RPN2: variants seen among roughly 807,000 people sequenced by gnomAD.
RPN2 encodes ribophorin II, also known as dolichyl-diphosphooligosaccharide--protein glycosyltransferase subunit 2.
RPN2 carries 29 observed loss-of-function variants against 71.4 expected under a neutral mutation model. The observed-to-expected ratio is 0.41, with a 90% CI of 0.30 to 0.55. RPN2 has a LOEUF of 0.55. Among genes scored for constraint, RPN2 ranks in the 20% least tolerant of loss-of-function variants. The probability of loss-of-function intolerance (pLI) is 0.35; values close to 1 mark genes in which losing one functional copy is unlikely to be tolerated. For synonymous variants in RPN2, 308 were observed against 305.0 expected (o/e 1.01, Z -0.10); for missense variants, 726 against 774.1 (o/e 0.94, Z 0.74).
chr20:37,186,918 C>T (rs573325988), intron 2 of RPN2, among the ~76,000 whole-genome samples: 2 of 152,280 alleles, frequency 1.3e-5, no homozygotes, highest in Admixed American at 6.5e-5. Flanking sequence ...CTTTGTATCC[C>T]TGTAAACTGA....
intron 6 of RPN2, among the ~76,000 whole-genome samples, chr20:37,206,698 T>C (rs940238566): frequency 1.3e-5 from 2 of 152,116 alleles, no homozygotes; most frequent in African/African-American, 4.8e-5. Flanking sequence ...CCTGCATTTG[T>C]GTAGTAAGCA....
rs2067320192 is a variant in RPN2 at position 37,199,097 on chromosome 20, T to C, written c.351T>C (p.Ser117=). 6.2e-7 allele frequency: 1 copy of C among 1,613,792 alleles called. No homozygotes were observed. Among genetic ancestry groups the C allele is most frequent in the African/African-American group, 1.3e-5 (1 of 74,928 alleles). Residue 117 remains serine, a synonymous_variant, in exon 4 of 17, where the codon AGT becomes AGC. Coordinates refer to ENST00000237530, the MANE Select transcript of RPN2 (RefSeq NM_002951.5). ...AAGATCTGCTTCTGGCAGCTGTCAG[T>C]GAGGACTCATCTGTTACCCAGATCT... is the stretch of plus-strand genomic sequence containing the variant. ...ETKDLLLAAV[S]EDSSVTQIYH...
At chr20:37,236,482 C>T (rs1026532501) in intron 15 of RPN2, 98 bp from the exon 16 acceptor site, 3 of 1,298,954 alleles carry the variant, frequency 2.3e-6, no homozygotes, top group Non-Finnish European at 3.3e-6. Context: ...GGAGTACAGA[C>T]CTTTTCATGA....
In RPN2 at chr20:37,203,881, C is replaced by A. The variant is rs1209999550; in HGVS notation, c.480-4C>A. The stretch of plus-strand genomic sequence containing the variant: ...TCATTGGGGTTCTACTCTTTACCTT[C>A]CAGAACAGTCCAGGCTCTGCAGACA... On this transcript the variant is annotated splice_region_variant and splice_polypyrimidine_tract_variant and intron_variant, in intron 4 of 16. Coordinates refer to ENST00000237530, the MANE Select transcript of RPN2 (RefSeq NM_002951.5). The A allele has an allele frequency of 1.9e-6, 3 of 1,611,964 alleles. No individual in the cohort carries two copies.
intron 1 of RPN2, chr20:37,179,671 C>T (rs1340663036): frequency 2.4e-6 from 1 of 410,498 alleles, no homozygotes; most frequent in Non-Finnish European, 4.0e-6. Flanking sequence ...ATTCATTTCA[C>T]TCGCGCGGGC....
intron 13 of RPN2, among the ~76,000 whole-genome samples, chr20:37,230,261 A>T (rs886133996): frequency 6.6e-6 from 1 of 152,236 alleles, no homozygotes; most frequent in Non-Finnish European, 1.5e-5. Context: ...ACCCCCAGAA[A>T]GCAGAGAGTT....
rs545071843 is a variant in RPN2, at chr20:37,179,394, GGA to G, written c.13+29_13+30del. 1,012 of 1,484,498 alleles carry G rather than the reference GGA, an allele frequency of 6.8e-4. 12 individuals are homozygous for G. The East Asian group carries it at 0.021, about 31-fold the overall frequency. The allele number at this position is 1,484,498 out of a possible 1,614,324, so 92.0% of individuals were successfully genotyped here. A position where few individuals can be genotyped will look rare whatever the true frequency, so the allele number is the denominator to read the frequency against. On this transcript the variant is annotated intron_variant, in intron 1 of 16. Coordinates refer to ENST00000237530, the MANE Select transcript of RPN2 (RefSeq NM_002951.5). The stretch of plus-strand genomic sequence containing the variant: ...GGTGAGGAGTTGCGCGTGGCTTTGG[GGA>G]GAGGGCTGTCGCCCGCGGGAGGTTA...
At position 37,199,144 on chromosome 20, in the gene RPN2, G is replaced by A; in HGVS notation, c.398G>A (p.Ser133Asn). ...ATCTACCATGCAGTTGCAGCTCTAA[G>A]TGGCTTTGGCCTTCCCTTGGCATCC... ...TQIYHAVAALSGFGLPLASQE... is the reference protein window; with the variant it reads ...TQIYHAVAALNGFGLPLASQE... The change falls in exon 4 of 17, where the codon AGT becomes AAT. Residue 133 changes from serine (S) to asparagine (N), a missense_variant. Coordinates refer to ENST00000237530, the MANE Select transcript of RPN2 (RefSeq NM_002951.5). The A allele has an allele frequency of 6.2e-7, 1 of 1,614,250 alleles. No individual in the cohort carries two copies. The highest frequency in any genetic ancestry group is 8.5e-7 in the Non-Finnish European group (1 of 1,180,044).
rs146095088 is a variant in RPN2, at chr20:37,184,332, G to A, written c.166G>A (p.Val56Met). The A allele has an allele frequency of 1.3e-4, 211 of 1,614,196 alleles. 1 individual carries two copies. In the South Asian group the frequency reaches 2.0e-3, roughly 15 times the overall value. Residue 56 changes from valine (V) to methionine (M), a missense_variant, in exon 2 of 17, where the codon GTG becomes ATG. Val to Met is a conservative substitution (Grantham distance 21). Transcript: ENST00000237530. ...TTTGGAATCTGCCTTCTACTCCATCGTGGGACTCAGCAGCCTTGGTGCTCA... is the reference window on the plus strand; with the variant it reads ...TTTGGAATCTGCCTTCTACTCCATCATGGGACTCAGCAGCCTTGGTGCTCA... ...TNLESAFYSI[V>M]GLSSLGAQVP...
At chr20:37,205,007 GC>G in intron 6 of RPN2, 106 bp downstream of exon 6, 1 of 1,492,908 alleles carries the variant, frequency 6.7e-7, no homozygotes, top group South Asian at 1.2e-5. Flanking sequence ...ACCTTGGGAT[GC>G]TGTCACTCAG....
intron 14 of RPN2, 75 bp downstream of exon 14, chr20:37,232,466 C>A: frequency 6.5e-7 from 1 of 1,542,632 alleles, no homozygotes; most frequent in Non-Finnish European, 9.0e-7. Flanking sequence ...CCAAAGGAGG[C>A]TGTGTTGTCT....
intron 2 of RPN2, among the ~76,000 whole-genome samples, chr20:37,189,323 A>ATG (rs11474653): frequency 0.047 from 3,064 of 64,542 alleles, 78 homozygotes; most frequent in East Asian, 0.17. Flanking sequence ...GTGTGTGTGT[A>ATG]TGTGTGTGTG....
intron 5 of RPN2, 83 bp downstream of exon 5, chr20:37,204,043 C>T: frequency 1.1e-6 from 1 of 942,194 alleles, no homozygotes; most frequent in Admixed American, 1.8e-5. Flanking sequence ...CATGCATGAT[C>T]TGTTACTACA....
chr20:37,185,670 G>T lies in RPN2; in HGVS notation c.207+1297G>T, dbSNP rs535299413. On this transcript the variant is annotated intron_variant, in intron 2 of 16. Coordinates refer to ENST00000237530, the MANE Select transcript of RPN2 (RefSeq NM_002951.5). ...CTCACTGTGTTGCCCAGGCTGGAGT[G>T]CAGTGGCTATTCACAGGCATGATTA... Among the ~76,000 whole-genome samples, 52 of 151,866 alleles carry T rather than the reference G, an allele frequency of 3.4e-4. No homozygotes were observed. In the South Asian group the frequency reaches 0.01, roughly 30 times the overall value.
chr20:37,189,230 C>T (rs1306116343), intron 2 of RPN2, among the ~76,000 whole-genome samples: 1 of 152,152 alleles, frequency 6.6e-6, no homozygotes, highest in Non-Finnish European at 1.5e-5. Flanking sequence ...CCACCCCTCT[C>T]AGCAATTGAT....
intron 9 of RPN2, among the ~76,000 whole-genome samples, chr20:37,217,272 ATATTATTATTATTATTAT>A (rs751816144): frequency 1.4e-3 from 122 of 89,040 alleles, no homozygotes; most frequent in African/African-American, 4.3e-3. Flanking sequence ...TGAAAACTAA[ATATTATTATTATTATTAT>A]TATTATTATT....
chr20:37,183,219 A>AT (rs11480191), intron 1 of RPN2, among the ~76,000 whole-genome samples: 62,550 of 148,058 alleles, frequency 0.42, 14,424 homozygotes, highest in African/African-American at 0.61. Flanking sequence ...TTATTCTAAG[A>AT]TTTTTTTTTT....
chr20:37,184,441 T>G (rs2066961743), intron 2 of RPN2, 68 bp downstream of exon 2: 1 of 1,306,450 alleles, frequency 7.7e-7, no homozygotes, highest in East Asian at 2.3e-5. Context: ...CTATATTCCT[T>G]TGGGGTAGTT....
intron 8 of RPN2, among the ~76,000 whole-genome samples, chr20:37,213,146 C>T (rs2067715885): frequency 6.6e-6 from 1 of 152,182 alleles, no homozygotes. Context: ...TTTTCCTCTA[C>T]ATTTTTGTTG....
Sources: gnomAD v4.1 joint callset for allele counts (sites outside exome capture counted in the v4.1 genomes callset) on GRCh38, gnomAD v4.1.1 for gene constraint, MANE v1.5 for transcripts, NCBI Gene and HGNC (gene_info 2026-07-23, HGNC 2026-07-21) for gene names.